Variants in CA10 observed in about 807,000 individuals in gnomAD.
CA10 encodes the protein carbonic anhydrase 10 (inactive), also known as carbonic anhydrase-related protein 10.
CA10 carries 14 observed loss-of-function variants against 44.2 expected under a neutral mutation model. The observed-to-expected ratio is 0.32, with a 90% CI of 0.21 to 0.50. The LOEUF is 0.50. Ranked by LOEUF, CA10 falls within the 20% of genes least tolerant of loss-of-function variation. The probability of loss-of-function intolerance (pLI) is 0.99; values close to 1 mark genes in which losing one functional copy is unlikely to be tolerated. For synonymous variants in CA10, 159 were observed against 141.6 expected, an observed-to-expected ratio of 1.12 and a Z score of -0.87; for missense variants, 350 against 409.7, an observed-to-expected ratio of 0.85 and a Z score of 1.26.
At chr17:51,849,457 T>G (rs1978693273) in intron 3 of CA10, among the ~76,000 whole-genome samples, 1 of 151,086 alleles carries the variant, frequency 6.6e-6, no homozygotes, top group African/African-American at 2.4e-5. Flanking sequence ...CCCCTTTGAG[T>G]GCCTTGGATG....
intron 1 of CA10, among the ~76,000 whole-genome samples, chr17:52,097,882 T>C (rs530052831): frequency 6.6e-6 from 1 of 152,298 alleles, no homozygotes; most frequent in East Asian, 1.9e-4. Context: ...CACCACACCA[T>C]TTATTAAAAT....
intron 2 of CA10, among the ~76,000 whole-genome samples, chr17:52,031,401 C>T (rs1488809679): frequency 1.3e-5 from 2 of 152,122 alleles, no homozygotes; most frequent in African/African-American, 2.4e-5. Flanking sequence ...CCACCCACCT[C>T]GGCCTCCCAA....
At chr17:52,152,476 C>CT (rs577847362) in intron 1 of CA10, among the ~76,000 whole-genome samples, 58 of 152,162 alleles carry the variant, frequency 3.8e-4, no homozygotes, top group Non-Finnish European at 7.4e-4. Context: ...CCCTCTGTCT[C>CT]TTTCATCCAA....
intron 3 of CA10, among the ~76,000 whole-genome samples, chr17:51,749,423 AG>A (rs1336103645): frequency 6.6e-6 from 1 of 152,174 alleles, no homozygotes; most frequent in Non-Finnish European, 1.5e-5. Flanking sequence ...AGCCTGCTGG[AG>A]GATGGGGCCA....
intron 1 of CA10, among the ~76,000 whole-genome samples, chr17:52,140,667 C>T (rs561952764): frequency 3.5e-4 from 54 of 152,242 alleles, no homozygotes; most frequent in African/African-American, 1.0e-3. Flanking sequence ...GGCTTTGTTA[C>T]GCAGCGTTAT....
intron 2 of CA10, among the ~76,000 whole-genome samples, chr17:51,978,045 A>G (rs1368221483): frequency 2.0e-5 from 3 of 152,196 alleles, no homozygotes; most frequent in East Asian, 3.8e-4. Context: ...ATGGAATGAT[A>G]TACCATGCTT....
At chr17:52,037,681 C>A (rs1373610088) in intron 2 of CA10, among the ~76,000 whole-genome samples, 2 of 152,106 alleles carry the variant, frequency 1.3e-5, no homozygotes, top group African/African-American at 2.4e-5. Context: ...CCCCAGATGA[C>A]ACTAGACCAG....
intron 3 of CA10, among the ~76,000 whole-genome samples, chr17:51,848,164 T>C (rs953036690): frequency 1.3e-5 from 2 of 152,166 alleles, no homozygotes; most frequent in African/African-American, 2.4e-5. Flanking sequence ...AAAATAAAAA[T>C]TTTAAACAGA....
chr17:52,142,386 G>T (rs557375450), intron 1 of CA10, among the ~76,000 whole-genome samples: 114 of 152,216 alleles, frequency 7.5e-4, no homozygotes, highest in South Asian at 1.5e-3. Flanking sequence ...CACATGTTAT[G>T]AATTTGATGC....
At chr17:51,970,629 T>C (rs1317396678) in intron 2 of CA10, among the ~76,000 whole-genome samples, 2 of 152,104 alleles carry the variant, frequency 1.3e-5, no homozygotes, top group African/African-American at 4.8e-5. Flanking sequence ...TCGCATGAGA[T>C]AAGCATGATA....
chr17:51,818,656 AC>A (rs1284894999), intron 3 of CA10, among the ~76,000 whole-genome samples: 1 of 152,170 alleles, frequency 6.6e-6, no homozygotes, highest in East Asian at 1.9e-4. Flanking sequence ...CAGAAGTCAC[AC>A]CTAATGTGTT....
intron 3 of CA10, among the ~76,000 whole-genome samples, chr17:51,841,180 G>T (rs956925403): frequency 6.6e-6 from 1 of 152,060 alleles, no homozygotes; most frequent in African/African-American, 2.4e-5. Context: ...AGTATGTCCA[G>T]ACCTCACCCT....
intron 2 of CA10, among the ~76,000 whole-genome samples, chr17:51,946,161 T>C (rs1034782006): frequency 2.0e-5 from 3 of 152,036 alleles, no homozygotes; most frequent in African/African-American, 4.8e-5. Context: ...AGAGGAGCAA[T>C]TGGGGAGATG....
chr17:51,873,408 C>CATT (rs1979907730), intron 3 of CA10, among the ~76,000 whole-genome samples: 2 of 152,264 alleles, frequency 1.3e-5, no homozygotes, highest in Admixed American at 1.3e-4. Context: ...GAGTGCAGTG[C>CATT]ATTAGGTAGT....
At chr17:51,933,064 C>A (rs1322939209) in intron 2 of CA10, among the ~76,000 whole-genome samples, 1 of 152,132 alleles carries the variant, frequency 6.6e-6, no homozygotes, top group Non-Finnish European at 1.5e-5. Flanking sequence ...ATAGTCATGG[C>A]ACCTCCACAA....
intron 3 of CA10, among the ~76,000 whole-genome samples, chr17:51,874,654 C>T (rs1433936284): frequency 6.6e-6 from 1 of 152,134 alleles, no homozygotes; most frequent in African/African-American, 2.4e-5. Context: ...CATTGATACT[C>T]AGCTCTTCCT....
At chr17:51,763,103 C>A (rs1905260800) in intron 3 of CA10, 1 of 152,222 alleles carries the variant, frequency 6.6e-6, no homozygotes, top group African/African-American at 2.4e-5. Flanking sequence ...TAGCTCACAG[C>A]ACCAGCTAGG....
intron 3 of CA10, among the ~76,000 whole-genome samples, chr17:51,883,153 G>T (rs983442675): frequency 6.6e-6 from 1 of 152,140 alleles, no homozygotes; most frequent in South Asian, 2.1e-4. Flanking sequence ...ACTGTGGTTT[G>T]ATTTTATTTT....
chr17:51,747,342 G>A (rs976046847), intron 4 of CA10, among the ~76,000 whole-genome samples: 17 of 152,194 alleles, frequency 1.1e-4, no homozygotes, highest in Non-Finnish European at 2.4e-4. Flanking sequence ...TGAGGATTTG[G>A]GGTTGAAATA....
Sources: allele counts gnomAD v4.1 joint callset (sites outside exome capture counted in the v4.1 genomes callset), GRCh38; gene constraint gnomAD v4.1.1; transcripts MANE v1.5; gene names NCBI Gene and HGNC (gene_info 2026-07-23, HGNC 2026-07-21).